DACH2: variants seen among roughly 807,000 people sequenced by gnomAD.
The protein encoded by DACH2 is dachshund family transcription factor 2.
A neutral mutation model predicts 35.8 loss-of-function variants in DACH2; 17 were observed. That is an observed-to-expected ratio of 0.48 (90% CI 0.33 to 0.71). The LOEUF is 0.71. DACH2 is among the 30% of genes least tolerant of loss of function. The pLI is 0.02. For missense variants in DACH2, 469 were observed against 472.7 expected, an observed-to-expected ratio of 0.99 and a Z score of 0.07; for synonymous variants, 195 against 177.3, an observed-to-expected ratio of 1.10 and a Z score of -0.79.
chrX:86,535,298 A>G (rs2038781843), intron 3 of DACH2, among the ~76,000 whole-genome samples: 2 of 111,584 alleles, frequency 1.8e-5, no homozygotes, highest in African/African-American at 6.5e-5. Flanking sequence ...AGATTGAGAG[A>G]ATGTCTTAGT....
chrX:86,402,858 A>G (rs1026838358), intron 2 of DACH2, among the ~76,000 whole-genome samples: 3 of 112,190 alleles, frequency 2.7e-5, no homozygotes, highest in Non-Finnish European at 1.9e-5. Context: ...GGTATGGAAC[A>G]GAAAACTAAG....
intron 6 of DACH2, among the ~76,000 whole-genome samples, chrX:86,727,492 A>G (rs977747720): frequency 9.0e-6 from 1 of 110,688 alleles, no homozygotes; most frequent in African/African-American, 3.3e-5. Context: ...TAGTTTGGAT[A>G]TTTGTCCTCA....
intron 3 of DACH2, among the ~76,000 whole-genome samples, chrX:86,584,866 C>T (rs758256770): frequency 5.4e-5 from 6 of 110,888 alleles, no homozygotes; most frequent in Non-Finnish European, 9.5e-5. Context: ...TCCATAAGTG[C>T]CCAGTTTTTA....
chrX:86,341,374 AG>A (rs1239484144), intron 1 of DACH2, among the ~76,000 whole-genome samples: 1 of 112,054 alleles, frequency 8.9e-6, no homozygotes, highest in East Asian at 2.8e-4. Flanking sequence ...AAGAAAACTT[AG>A]ATGACAGCAT....
At chrX:86,816,164 G>C (rs995858079) in intron 11 of DACH2, 65 bp downstream of exon 11, 2 of 733,647 alleles carry the variant, frequency 2.7e-6, no homozygotes, top group African/African-American at 2.2e-5. Flanking sequence ...ATGAGGTGGG[G>C]ATGAGGTGGG....
intron 7 of DACH2, among the ~76,000 whole-genome samples, chrX:86,771,976 G>A (rs1157000296): frequency 2.7e-5 from 3 of 111,422 alleles, no homozygotes; most frequent in South Asian, 7.4e-4. Flanking sequence ...TACAAGCTAG[G>A]GATTATGCTG....
chrX:86,470,984 A>G (rs2037752809), intron 2 of DACH2, among the ~76,000 whole-genome samples: 1 of 111,455 alleles, frequency 9.0e-6, no homozygotes, highest in South Asian at 3.7e-4. Context: ...TTATTGAACT[A>G]CAAACTGAAT....
chrX:86,200,687 G>C (rs1234915072), intron 1 of DACH2, among the ~76,000 whole-genome samples: 1 of 91,606 alleles, frequency 1.1e-5, no homozygotes, highest in East Asian at 3.4e-4. Flanking sequence ...ATGAAAAAAA[G>C]CTCAAAATCA....
chrX:86,339,102 A>G (rs2035369863), intron 1 of DACH2, among the ~76,000 whole-genome samples: 1 of 111,871 alleles, frequency 8.9e-6, no homozygotes, highest in African/African-American at 3.2e-5. Context: ...ACAGTCCAGG[A>G]CCAGACGGAT....
intron 3 of DACH2, among the ~76,000 whole-genome samples, chrX:86,555,679 C>T (rs2039108624): frequency 9.0e-6 from 1 of 111,335 alleles, no homozygotes; most frequent in Non-Finnish European, 1.9e-5. Context: ...CATTTTAATT[C>T]TCATTTTCCT....
chrX:86,451,780 A>C (rs977762451), intron 2 of DACH2, among the ~76,000 whole-genome samples: 2 of 110,485 alleles, frequency 1.8e-5, no homozygotes, highest in Non-Finnish European at 3.8e-5. Flanking sequence ...CACTAGGATC[A>C]TGTCATCTGC....
At chrX:86,452,357 G>A (rs997593661) in intron 2 of DACH2, among the ~76,000 whole-genome samples, 7 of 111,505 alleles carry the variant, frequency 6.3e-5, no homozygotes, top group Non-Finnish European at 1.1e-4. Flanking sequence ...TTAGGGAGGA[G>A]TCCTTCGTTT....
intron 1 of DACH2, among the ~76,000 whole-genome samples, chrX:86,269,960 C>A (rs2033782501): frequency 9.5e-6 from 1 of 105,781 alleles, no homozygotes. Flanking sequence ...CAATTCTTCA[C>A]CCACTCCTCA....
chrX:86,817,723 T>A (rs767368989), intron 11 of DACH2, among the ~76,000 whole-genome samples: 2 of 112,154 alleles, frequency 1.8e-5, no homozygotes, highest in East Asian at 5.6e-4. Flanking sequence ...TAAAATTATT[T>A]CATTTCCATG....
At chrX:86,667,544 AGAAGAAAG>A (rs1299229019) in intron 4 of DACH2, among the ~76,000 whole-genome samples, 5 of 36,641 alleles carry the variant, frequency 1.4e-4, no homozygotes, top group Non-Finnish European at 2.5e-4. Flanking sequence ...AAAGAAAGAA[AGAAGAAAG>A]AAAGAAAGAA....
chrX:86,354,082 T>C (rs2035602904), intron 1 of DACH2, among the ~76,000 whole-genome samples: 1 of 38,414 alleles, frequency 2.6e-5, no homozygotes, highest in Non-Finnish European at 4.3e-5. Flanking sequence ...TCATCATCAC[T>C]GGCCATCAGA....
chrX:86,827,506 G>A (rs2042573191), intron 11 of DACH2, among the ~76,000 whole-genome samples: 1 of 111,257 alleles, frequency 9.0e-6, no homozygotes. Context: ...TTAAACTACT[G>A]TAAATCTACG....
At chrX:86,199,420 T>C (rs993008067) in intron 1 of DACH2, among the ~76,000 whole-genome samples, 1 of 111,048 alleles carries the variant, frequency 9.0e-6, no homozygotes, top group Non-Finnish European at 1.9e-5. Context: ...GCCAGAGCAA[T>C]CAGGCAAGAG....
chrX:86,439,173 G>C (rs1439429677), intron 2 of DACH2, among the ~76,000 whole-genome samples: 1 of 111,799 alleles, frequency 8.9e-6, no homozygotes, highest in Non-Finnish European at 1.9e-5. Flanking sequence ...TCATATAACT[G>C]TTAGCCATTT....
Sources: allele counts gnomAD v4.1 joint callset (sites outside exome capture counted in the v4.1 genomes callset), GRCh38; gene constraint gnomAD v4.1.1; transcripts MANE v1.5; gene names NCBI Gene and HGNC (gene_info 2026-07-23, HGNC 2026-07-21).